Variants in RELN observed in about 807,000 individuals in gnomAD.
RELN encodes reelin.
RELN carries 108 observed loss-of-function variants against 427.6 expected under a neutral mutation model. That is an observed-to-expected ratio of 0.25 (90% CI 0.22 to 0.30). The LOEUF (loss-of-function observed/expected upper bound fraction) is 0.30. Ranked by LOEUF, RELN falls within the 10% of genes least tolerant of loss-of-function variation. The probability of loss-of-function intolerance (pLI) is 1.00; values close to 1 mark genes in which losing one functional copy is unlikely to be tolerated. For missense variants in RELN, 3,715 were observed against 4,302.8 expected (o/e 0.86, Z 3.82); for synonymous variants, 1,524 against 1,513.4 (o/e 1.01, Z -0.16).
intron 1 of RELN, among the ~76,000 whole-genome samples, chr7:103,974,251 GACGAGT>G (rs1796825586): frequency 6.6e-6 from 1 of 152,164 alleles, no homozygotes; most frequent in African/African-American, 2.4e-5. Flanking sequence ...AACCCTGTGT[GACGAGT>G]ACTATCATCA....
chr7:103,571,221 A>T (rs1479020727), intron 31 of RELN, among the ~76,000 whole-genome samples: 1 of 152,218 alleles, frequency 6.6e-6, no homozygotes, highest in Non-Finnish European at 1.5e-5. Flanking sequence ...GATATTAACA[A>T]ACTTAGAAGG....
chr7:103,974,780 G>A (rs1222226400), intron 1 of RELN, among the ~76,000 whole-genome samples: 1 of 152,092 alleles, frequency 6.6e-6, no homozygotes, highest in East Asian at 1.9e-4. Flanking sequence ...AACGATTTTG[G>A]TTTCTATCCT....
chr7:103,622,040 G>A (rs1244366847), intron 20 of RELN, among the ~76,000 whole-genome samples: 1 of 152,074 alleles, frequency 6.6e-6, no homozygotes, highest in African/African-American at 2.4e-5. Flanking sequence ...AAAAATAATT[G>A]TCTCAGACTG....
intron 1 of RELN, among the ~76,000 whole-genome samples, chr7:103,969,338 C>T (rs1252492504): frequency 6.6e-6 from 1 of 152,032 alleles, no homozygotes; most frequent in African/African-American, 2.4e-5. Context: ...ATTTTAAATG[C>T]CATAAAAATA....
At chr7:103,725,181 A>AT (rs1340372719) in intron 7 of RELN, among the ~76,000 whole-genome samples, 1 of 152,144 alleles carries the variant, frequency 6.6e-6, no homozygotes, top group Non-Finnish European at 1.5e-5. Flanking sequence ...TTTCTCTAAA[A>AT]TTTTTTATTG....
intron 1 of RELN, among the ~76,000 whole-genome samples, chr7:103,966,619 T>A (rs1796666367): frequency 6.6e-6 from 1 of 152,236 alleles, no homozygotes; most frequent in South Asian, 2.1e-4. Context: ...TGATTCAGTT[T>A]AACAACGCAG....
intron 2 of RELN, among the ~76,000 whole-genome samples, chr7:103,852,635 C>A (rs1793851181): frequency 6.6e-6 from 1 of 152,020 alleles, no homozygotes; most frequent in African/African-American, 2.4e-5. Context: ...CCTTTCTTTT[C>A]TGGCAAAGAA....
chr7:103,551,023 T>A, intron 41 of RELN, 44 bp downstream of exon 41: 7 of 1,508,292 alleles, frequency 4.6e-6, no homozygotes, highest in Non-Finnish European at 6.4e-6. Context: ...AGGAATAAAC[T>A]GTCAAAGGAG....
chr7:103,743,769 C>A (rs1005743050), intron 6 of RELN, among the ~76,000 whole-genome samples: 2 of 152,242 alleles, frequency 1.3e-5, no homozygotes, highest in Admixed American at 1.3e-4. Context: ...AAAGCAAGTC[C>A]TGAGTGACCT....
intron 2 of RELN, among the ~76,000 whole-genome samples, chr7:103,905,498 C>G (rs746236503): frequency 2.0e-5 from 3 of 152,078 alleles, no homozygotes; most frequent in Non-Finnish European, 4.4e-5. Context: ...TATCCTCAAA[C>G]TTAAAGACAG....
At chr7:103,865,363 C>G (rs1049064938) in intron 2 of RELN, among the ~76,000 whole-genome samples, 4 of 145,830 alleles carry the variant, frequency 2.7e-5, no homozygotes, top group African/African-American at 7.4e-5. Flanking sequence ...TAAATTCTTG[C>G]AATAAATTGA....
At chr7:103,952,554 T>TTC (rs145303514) in intron 1 of RELN, among the ~76,000 whole-genome samples, 2,657 of 149,934 alleles carry the variant, frequency 0.018, 69 homozygotes, top group African/African-American at 0.057. Flanking sequence ...CTCTCACTCT[T>TTC]TCTCTCTCTC....
Position 103,589,633 on chromosome 7 carries a change from T to C in RELN, c.4108A>G (p.Arg1370Gly), listed in dbSNP as rs1831362992. 6.2e-7 allele frequency: 1 copy of C among 1,613,904 alleles called. No homozygotes were observed. Among genetic ancestry groups the C allele is most frequent in the Non-Finnish European group, 8.5e-7 (1 of 1,179,774 alleles). Reference sequence around the variant, plus strand: ...GACCTTGGAATAACAATGGTGATTCTTGTCCATTCTTCAAAGTCCCCTGTG... The same window carrying C: ...GACCTTGGAATAACAATGGTGATTCCTGTCCATTCTTCAAAGTCCCCTGTG... ...YHTGDFEEWT[R>G]ITIVIPRSLA... Residue 1370 changes from arginine to glycine, a missense_variant, in exon 28 of 65, where the codon AGA (arginine) becomes GGA (glycine). Around this residue, in one of 4 missense-constraint regions of RELN, gnomAD observed 2,208 missense variants for 2,361.7 expected, o/e 0.93. Coordinates refer to ENST00000428762, the MANE Select transcript of RELN (RefSeq NM_005045.4).
intron 2 of RELN, among the ~76,000 whole-genome samples, chr7:103,898,252 T>C (rs1460727282): frequency 1.3e-5 from 2 of 152,070 alleles, no homozygotes; most frequent in Non-Finnish European, 2.9e-5. Flanking sequence ...ATTTCAATTA[T>C]GCAGTAATCA....
intron 6 of RELN, among the ~76,000 whole-genome samples, chr7:103,738,446 T>C (rs1790549509): frequency 6.6e-6 from 1 of 151,952 alleles, no homozygotes; most frequent in Admixed American, 6.6e-5. Flanking sequence ...CACAATGAGA[T>C]ACGCAGATCT....
intron 2 of RELN, among the ~76,000 whole-genome samples, chr7:103,901,394 C>G (rs1437998327): frequency 6.6e-6 from 1 of 151,988 alleles, no homozygotes; most frequent in African/African-American, 2.4e-5. Context: ...AGCAATTCTA[C>G]ACCCAGGTAT....
intron 46 of RELN, among the ~76,000 whole-genome samples, chr7:103,528,397 G>C (rs954934361): frequency 9.2e-5 from 14 of 152,052 alleles, no homozygotes; most frequent in African/African-American, 3.1e-4. Context: ...GGGGTGGGGA[G>C]TGACTGCTAA....
intron 31 of RELN, among the ~76,000 whole-genome samples, chr7:103,568,585 C>T (rs1830813647): frequency 6.6e-6 from 1 of 152,110 alleles, no homozygotes; most frequent in Non-Finnish European, 1.5e-5. Flanking sequence ...TGTCTTTATT[C>T]TAGTCAAGTT....
chr7:103,563,569 G>T lies in RELN; in HGVS notation c.5211-1616C>A, dbSNP rs372484404. Among the ~76,000 whole-genome samples the T allele has an allele frequency of 2.9e-4, 44 of 152,260 alleles. No homozygotes were observed. Among genetic ancestry groups the T allele is most frequent in the East Asian group, 1.2e-3 (6 of 5,186 alleles). On this transcript the variant is annotated intron_variant, in intron 34 of 64. Transcript: ENST00000428762. The surrounding 1 kb of genome is among the most constrained non-coding windows in gnomAD (Gnocchi z 4.1). The stretch of plus-strand genomic sequence containing the variant: ...GTTATAGTAAGGTAAATTTATTATT[G>T]AAGAAAGAAAAATATTCTTTTTTTA...
Sources: gnomAD v4.1 joint callset for allele counts (sites outside exome capture counted in the v4.1 genomes callset) on GRCh38, gnomAD v4.1.1 for gene constraint, gnomAD v4.1.1 regional missense constraint, Gnocchi (gnomAD v3.1) non-coding constraint, MANE v1.5 for transcripts, NCBI Gene and HGNC (gene_info 2026-07-23, HGNC 2026-07-21) for gene names.